WLS: variants seen among roughly 807,000 people sequenced by gnomAD.
WLS encodes protein wntless homolog.
Under a neutral mutation model 62.8 loss-of-function variants are expected in WLS, and 23 were observed. The observed-to-expected ratio is 0.37, with a 90% CI of 0.26 to 0.52. WLS has a LOEUF of 0.52. Among genes scored for constraint, WLS ranks in the 20% least tolerant of loss-of-function variants. The pLI, the probability that WLS is intolerant of heterozygous loss-of-function variation, is 0.92. For synonymous variants in WLS, 246 were observed against 244.1 expected, an observed-to-expected ratio of 1.01 and a Z score of -0.07; for missense variants, 615 against 697.3, an observed-to-expected ratio of 0.88 and a Z score of 1.33.
intron 10 of WLS, 77 bp downstream of exon 10, chr1:68,144,492 G>A: frequency 2.9e-6 from 4 of 1,393,262 alleles, no homozygotes; most frequent in South Asian, 2.6e-5. Flanking sequence ...TTCCTCAGTG[G>A]CTCTATTGAA....
intron 10 of WLS, among the ~76,000 whole-genome samples, chr1:68,139,523 T>C (rs1305287384): frequency 3.3e-5 from 5 of 152,184 alleles, no homozygotes; most frequent in African/African-American, 1.2e-4. Context: ...CTGTCACGCA[T>C]CCTAGCTGCA....
chr1:68,189,204 G>A (rs1333781933), intron 2 of WLS, among the ~76,000 whole-genome samples: 1 of 152,108 alleles, frequency 6.6e-6, no homozygotes, highest in Non-Finnish European at 1.5e-5. Context: ...GTACTTGTGT[G>A]CAAGTCATCC....
chr1:68,194,431 C>G (rs1264664043), intron 1 of WLS, among the ~76,000 whole-genome samples: 2 of 152,128 alleles, frequency 1.3e-5, no homozygotes, highest in African/African-American at 4.8e-5. Flanking sequence ...CTCTGAGAAC[C>G]TTCCCATTAT....
rs912087399 is a variant in WLS, at chr1:68,232,482, G to T, written c.-183C>A. 25 of 1,289,006 alleles carry T rather than the reference G, an allele frequency of 1.9e-5. No individual in the cohort carries two copies. The highest frequency in any genetic ancestry group is 2.5e-5 in the Non-Finnish European group (25 of 991,752). The allele number at this position is 1,289,006 out of a possible 1,614,324, so 79.8% of individuals were successfully genotyped here. A position where few individuals can be genotyped will look rare whatever the true frequency, so the allele number is the denominator to read the frequency against. On this transcript the variant is annotated 5_prime_UTR_variant, in exon 1 of 12. Transcript: ENST00000262348. Reference sequence around the variant, plus strand: ...AGGCGCCCGCACGGATTCCCCCGGCGCAGCCGGCTCGGGTTCCCCCAATGC... The same window carrying T: ...AGGCGCCCGCACGGATTCCCCCGGCTCAGCCGGCTCGGGTTCCCCCAATGC...
intron 2 of WLS, among the ~76,000 whole-genome samples, chr1:68,187,947 A>G (rs1251442959): frequency 2.6e-5 from 4 of 152,224 alleles, no homozygotes; most frequent in Non-Finnish European, 5.9e-5. Context: ...TTTCACCTAA[A>G]CTTACCTGAG....
intron 1 of WLS, among the ~76,000 whole-genome samples, chr1:68,209,365 T>C (rs993385969): frequency 1.3e-5 from 2 of 152,248 alleles, no homozygotes; most frequent in Non-Finnish European, 1.5e-5. Context: ...TTGCCTCATG[T>C]TACACTGACT....
chr1:68,190,690 T>C (rs1264348502), intron 2 of WLS, among the ~76,000 whole-genome samples: 2 of 152,156 alleles, frequency 1.3e-5, no homozygotes, highest in East Asian at 1.9e-4. Flanking sequence ...AACAGCTTAA[T>C]TGCAACCTTG....
intron 11 of WLS, among the ~76,000 whole-genome samples, chr1:68,116,313 A>G (rs1409680789): frequency 6.6e-6 from 1 of 152,212 alleles, no homozygotes; most frequent in Non-Finnish European, 1.5e-5. Context: ...CTCCTCTGAC[A>G]ACCACACGGG....
At chr1:68,213,868 C>T (rs530979378) in intron 1 of WLS, among the ~76,000 whole-genome samples, 179 of 152,326 alleles carry the variant, frequency 1.2e-3, no homozygotes, top group African/African-American at 4.2e-3. Flanking sequence ...ACGTGTGCTG[C>T]TCATTGCTTC....
chr1:68,137,728 A>G, intron 11 of WLS, 52 bp downstream of exon 11: 1 of 1,570,830 alleles, frequency 6.4e-7, no homozygotes. Flanking sequence ...TCTTGTAAAG[A>G]CAGAAGCCTA....
intron 11 of WLS, among the ~76,000 whole-genome samples, chr1:68,116,755 C>A (rs1277175986): frequency 6.6e-6 from 1 of 152,144 alleles, no homozygotes. Flanking sequence ...AATAGGGGCT[C>A]TATAAACAGT....
chr1:68,224,193 G>T (rs537697822), intron 1 of WLS, among the ~76,000 whole-genome samples: 1 of 152,162 alleles, frequency 6.6e-6, no homozygotes, highest in Non-Finnish European at 1.5e-5. Context: ...TATGAGAATG[G>T]AGTACTAAGG....
At chr1:68,174,478 T>A (rs1353858640) in intron 2 of WLS, among the ~76,000 whole-genome samples, 1 of 152,052 alleles carries the variant, frequency 6.6e-6, no homozygotes. Context: ...TTCCAGATAA[T>A]GGACAGATTC....
At chr1:68,157,439 G>C (rs1237319821) in intron 3 of WLS, among the ~76,000 whole-genome samples, 1 of 152,128 alleles carries the variant, frequency 6.6e-6, no homozygotes, top group African/African-American at 2.4e-5. Flanking sequence ...TTTTCTTCAT[G>C]CACTAAAGTC....
chr1:68,194,650 A>G (rs1648564625), intron 1 of WLS, among the ~76,000 whole-genome samples: 1 of 152,234 alleles, frequency 6.6e-6, no homozygotes, highest in Non-Finnish European at 1.5e-5. Context: ...ACCTACTGTC[A>G]GTGAATCTTG....
intron 1 of WLS, chr1:68,202,893 A>C (rs1649101327): frequency 6.6e-6 from 1 of 151,918 alleles, no homozygotes; most frequent in African/African-American, 2.4e-5. Context: ...AAAAAAGGGG[A>C]CACCTGGCTC....
chr1:68,168,652 G>C (rs1647098987), intron 2 of WLS, among the ~76,000 whole-genome samples: 1 of 152,116 alleles, frequency 6.6e-6, no homozygotes, highest in Non-Finnish European at 1.5e-5. Context: ...CCTTTGCCCT[G>C]GGAAAAAAAT....
At chr1:68,104,511 CCCT>C (rs10607699) in intron 11 of WLS, among the ~76,000 whole-genome samples, 59,225 of 151,810 alleles carry the variant, frequency 0.39, 11,742 homozygotes, top group Non-Finnish European at 0.42. Context: ...ATCATATGAT[CCCT>C]CCTAAGCCCA....
At chr1:68,150,679 T>C (rs1430756) in intron 5 of WLS, among the ~76,000 whole-genome samples, 35,037 of 152,088 alleles carry the variant, frequency 0.23, 4,687 homozygotes, top group African/African-American at 0.36. Flanking sequence ...GTGAGTACAA[T>C]TGTCCTCTTT....
Sources: allele counts gnomAD v4.1 joint callset (sites outside exome capture counted in the v4.1 genomes callset), GRCh38; gene constraint gnomAD v4.1.1; transcripts MANE v1.5; gene names NCBI Gene and HGNC (gene_info 2026-07-23, HGNC 2026-07-21).